Variants in PPP1R21 observed in about 807,000 individuals in gnomAD.
The protein encoded by PPP1R21 is protein phosphatase 1 regulatory subunit 21.
A neutral mutation model predicts 112.8 loss-of-function variants in PPP1R21; 85 were observed. The observed-to-expected ratio is 0.75, with a 90% CI of 0.63 to 0.90. The LOEUF is 0.90. PPP1R21 is among the 40% of genes least tolerant of loss of function. The probability of loss-of-function intolerance (pLI) is 0.00; values close to 1 mark genes in which losing one functional copy is unlikely to be tolerated. For synonymous variants in PPP1R21, 381 were observed against 322.3 expected (o/e 1.18, Z -1.95); for missense variants, 1,199 against 901.5 (o/e 1.33, Z -4.23).
intron 19 of PPP1R21, among the ~76,000 whole-genome samples, chr2:48,508,895 A>G (rs1670507485): frequency 6.6e-6 from 1 of 152,168 alleles, no homozygotes; most frequent in South Asian, 2.1e-4. Flanking sequence ...GTGATTCAAG[A>G]ATTTTTAAAT....
At chr2:48,446,382 G>T (rs975303981) in intron 1 of PPP1R21, among the ~76,000 whole-genome samples, 1 of 152,176 alleles carries the variant, frequency 6.6e-6, no homozygotes, top group Non-Finnish European at 1.5e-5. Flanking sequence ...GGCTATTCCA[G>T]AACCAGAGTT....
intron 11 of PPP1R21, among the ~76,000 whole-genome samples, chr2:48,472,355 G>C (rs1423244572): frequency 1.3e-5 from 2 of 152,018 alleles, no homozygotes; most frequent in East Asian, 1.9e-4. Context: ...GCCAAGTGTG[G>C]TGGCTCATGC....
At chr2:48,460,264 TG>T in intron 6 of PPP1R21, 111 bp downstream of exon 6, 1 of 1,083,748 alleles carries the variant, frequency 9.2e-7, no homozygotes. Flanking sequence ...AAGGAGAAAA[TG>T]GGAGTAATCT....
At chr2:48,462,847 A>T (rs755567286) in intron 7 of PPP1R21, among the ~76,000 whole-genome samples, 2 of 152,178 alleles carry the variant, frequency 1.3e-5, no homozygotes, top group Non-Finnish European at 2.9e-5. Context: ...GACTATTGTG[A>T]TGATAGTTTT....
chr2:48,499,245 C>G (rs1348061852), intron 17 of PPP1R21, among the ~76,000 whole-genome samples: 1 of 152,140 alleles, frequency 6.6e-6, no homozygotes, highest in Non-Finnish European at 1.5e-5. Flanking sequence ...AGGATATCTC[C>G]TTCAAAAAGT....
chr2:48,483,732 G>A (rs950509432), intron 13 of PPP1R21, among the ~76,000 whole-genome samples: 2 of 152,128 alleles, frequency 1.3e-5, no homozygotes, highest in African/African-American at 4.8e-5. Flanking sequence ...GAGGTACCGC[G>A]CCTGGCCAAG....
chr2:48,492,554 T>C (rs1456327510), intron 15 of PPP1R21, among the ~76,000 whole-genome samples: 1 of 152,250 alleles, frequency 6.6e-6, no homozygotes, highest in Non-Finnish European at 1.5e-5. Context: ...TTCTACTTTT[T>C]TACTGTTACA....
chr2:48,459,935 G>T lies in PPP1R21; in HGVS notation c.540+17G>T. On this transcript the variant is annotated intron_variant, in intron 5 of 21. Transcript: ENST00000294952. ...AAACTAGAAGTAAGCCCCATTGTGA[G>T]AGCACACTAAAAAATAGTTACAGCT... 6.2e-7 allele frequency: 1 copy of T among 1,608,552 alleles called. No individual in the cohort carries two copies. Among genetic ancestry groups the T allele is most frequent in the East Asian group, 2.2e-5 (1 of 44,812 alleles).
At position 48,511,392 on chromosome 2, in the gene PPP1R21, G is replaced by A. The variant is rs1572903230; in HGVS notation, c.2237G>A (p.Ser746Asn). Residue 746 changes from serine (S) to asparagine (N), a missense_variant, in exon 21 of 22, where the codon AGT becomes AAT. By Grantham distance (46) the Ser-to-Asn change is conservative. Transcript: ENST00000294952. Reference sequence around the variant, plus strand: ...TACGAGGATCAGTTAAGTATGATGAGTGACCACCTGTGCAGCATGAATGAG... The same window carrying A: ...TACGAGGATCAGTTAAGTATGATGAATGACCACCTGTGCAGCATGAATGAG... ...RSYEDQLSMM[S>N]DHLCSMNETL... 8 of 1,614,048 alleles carry A rather than the reference G, an allele frequency of 5.0e-6. No individual in the cohort carries two copies. The highest frequency in any genetic ancestry group is 5.9e-6 in the Non-Finnish European group (7 of 1,179,938).
In PPP1R21 at chr2:48,515,075, C is replaced by A; in HGVS notation, c.*331C>A. 1 of 275,492 alleles carries A rather than the reference C, an allele frequency of 3.6e-6. No individual in the cohort carries two copies. Among genetic ancestry groups the A allele is most frequent in the Non-Finnish European group, 6.7e-6 (1 of 149,188 alleles). The allele number at this position is 275,492 out of a possible 1,614,324, so 17.1% of individuals were successfully genotyped here. A position where few individuals can be genotyped will look rare whatever the true frequency, so the allele number is the denominator to read the frequency against. On this transcript the variant is annotated 3_prime_UTR_variant, in exon 22 of 22. Transcript: ENST00000294952. ...AACAAATATTTTGTATACTTTCAAACTCAATTATATGGTAATCGATTTGGT... is the reference window on the plus strand; with the variant it reads ...AACAAATATTTTGTATACTTTCAAAATCAATTATATGGTAATCGATTTGGT...
At chr2:48,479,557 G>T (rs149774555) in intron 12 of PPP1R21, 377 of 485,834 alleles carry the variant, frequency 7.8e-4, no homozygotes, top group Non-Finnish European at 1.3e-3. Flanking sequence ...TGATATTTGG[G>T]TAAGAGTGTT....
At chr2:48,445,611 C>G (rs1222948098) in intron 1 of PPP1R21, among the ~76,000 whole-genome samples, 1 of 152,166 alleles carries the variant, frequency 6.6e-6, no homozygotes, top group African/African-American at 2.4e-5. Flanking sequence ...AAGGGGCAGC[C>G]TCCTCTTCCT....
intron 12 of PPP1R21, 34 bp downstream of exon 12, chr2:48,474,853 A>G (rs1317007827): frequency 4.4e-6 from 7 of 1,587,152 alleles, no homozygotes; most frequent in Non-Finnish European, 5.2e-6. Context: ...GTCAACTTCA[A>G]GGACTTAAGA....
intron 1 of PPP1R21, among the ~76,000 whole-genome samples, chr2:48,445,135 C>CTTTTT (rs756357658): frequency 6.8e-5 from 7 of 102,634 alleles, no homozygotes; most frequent in Non-Finnish European, 9.6e-5. Context: ...TGAATATGAG[C>CTTTTT]TTTTTTTTTT....
intron 7 of PPP1R21, 127 bp from the exon 8 acceptor site, chr2:48,464,810 A>T (rs913037467): frequency 3.1e-5 from 19 of 619,394 alleles, no homozygotes; most frequent in Non-Finnish European, 5.3e-5. Flanking sequence ...ATTATTCTGT[A>T]TTGTTGATCA....
Position 48,487,478 on chromosome 2 carries a change from A to G in PPP1R21, c.1446+720A>G, listed in dbSNP as rs567823476. ...GTGCAGTTTCTTTAAGAATCCTTTG[A>G]TAAGCCAGGTGCTGTGGCTCACACC... is the stretch of plus-strand genomic sequence containing the variant. On this transcript the variant is annotated intron_variant, in intron 14 of 21. Transcript: ENST00000294952. Among the ~76,000 whole-genome samples, 23 of 152,212 alleles carry G rather than the reference A, an allele frequency of 1.5e-4. No homozygotes were observed. In the South Asian group the frequency reaches 4.1e-3, roughly 27 times the overall value.
chr2:48,445,901 A>C (rs1463829857), intron 1 of PPP1R21, among the ~76,000 whole-genome samples: 1 of 152,230 alleles, frequency 6.6e-6, no homozygotes. Flanking sequence ...GGAATACTTA[A>C]AATGTTAGAA....
intron 2 of PPP1R21, among the ~76,000 whole-genome samples, chr2:48,451,381 T>C (rs1252922382): frequency 6.6e-6 from 1 of 152,230 alleles, no homozygotes; most frequent in South Asian, 2.1e-4. Flanking sequence ...TTCTTATCAG[T>C]TGTCATCACA....
chr2:48,465,755 C>A, intron 9 of PPP1R21, 113 bp downstream of exon 9: 6 of 840,392 alleles, frequency 7.1e-6, no homozygotes, highest in Non-Finnish European at 1.0e-5. Context: ...ATGGAAAAAA[C>A]CCAAAAAGCA....
Sources: allele counts gnomAD v4.1 joint callset (sites outside exome capture counted in the v4.1 genomes callset), GRCh38; gene constraint gnomAD v4.1.1; transcripts MANE v1.5; gene names NCBI Gene and HGNC (gene_info 2026-07-23, HGNC 2026-07-21).